RBFOX1: variants seen among roughly 807,000 people sequenced by gnomAD.
The protein encoded by RBFOX1 is RNA binding protein fox-1 homolog 1.
RBFOX1 carries 8 observed loss-of-function variants against 57.7 expected under a neutral mutation model. The ratio of observed to expected loss-of-function variants is 0.14; its 90% CI spans 0.08 to 0.25. RBFOX1 has a LOEUF of 0.25. Among genes scored for constraint, RBFOX1 ranks in the 10% least tolerant of loss-of-function variants. The pLI, the probability that RBFOX1 is intolerant of heterozygous loss-of-function variation, is 1.00. For missense variants in RBFOX1, 611 were observed against 548.5 expected (o/e 1.11, Z -1.14); for synonymous variants, 326 against 222.4 (o/e 1.47, Z -4.15).
intron 3 of RBFOX1, among the ~76,000 whole-genome samples, chr16:5,747,434 G>C (rs1459891844): frequency 6.6e-6 from 1 of 152,144 alleles, no homozygotes; most frequent in Non-Finnish European, 1.5e-5. Context: ...TTTTTCTGTT[G>C]ATTGGACTAG....
At chr16:5,771,723 T>G (rs993626524) in intron 3 of RBFOX1, among the ~76,000 whole-genome samples, 6 of 152,210 alleles carry the variant, frequency 3.9e-5, no homozygotes, top group African/African-American at 1.2e-4. Flanking sequence ...GCATCTCATT[T>G]TGGTATCAGG....
At chr16:6,947,707 G>T (rs2079842069) in intron 3 of RBFOX1, among the ~76,000 whole-genome samples, 1 of 152,184 alleles carries the variant, frequency 6.6e-6, no homozygotes, top group Non-Finnish European at 1.5e-5. Flanking sequence ...TCAGTTTGCT[G>T]AAATCTATTT....
At chr16:7,258,860 T>C (rs894513269) in intron 4 of RBFOX1, among the ~76,000 whole-genome samples, 1 of 152,186 alleles carries the variant, frequency 6.6e-6, no homozygotes, top group African/African-American at 2.4e-5. Context: ...TTTAAAATTA[T>C]TAGGGCTCCT....
chr16:5,790,518 A>C (rs1228439405), intron 3 of RBFOX1, among the ~76,000 whole-genome samples: 1 of 152,076 alleles, frequency 6.6e-6, no homozygotes, highest in Non-Finnish European at 1.5e-5. Context: ...CTGAAAAAAA[A>C]AAAAGGACTC....
intron 3 of RBFOX1, among the ~76,000 whole-genome samples, chr16:5,750,346 C>G (rs1436655555): frequency 6.6e-6 from 1 of 152,230 alleles, no homozygotes; most frequent in African/African-American, 2.4e-5. Context: ...ACTGTCCATT[C>G]TCAGATGTCA....
intron 5 of RBFOX1, among the ~76,000 whole-genome samples, chr16:7,526,555 A>G (rs555584425): frequency 5.3e-5 from 8 of 152,316 alleles, no homozygotes; most frequent in Admixed American, 3.9e-4. Context: ...TTACAGAACA[A>G]CAGAGTTCTT....
intron 3 of RBFOX1, among the ~76,000 whole-genome samples, chr16:6,819,566 G>T (rs928522966): frequency 6.6e-6 from 1 of 151,164 alleles, no homozygotes; most frequent in African/African-American, 2.4e-5. Flanking sequence ...AGCCGGGCCT[G>T]TTGGCGTGTA....
intron 4 of RBFOX1, among the ~76,000 whole-genome samples, chr16:5,868,714 C>A (rs1216006107): frequency 6.6e-6 from 1 of 152,132 alleles, no homozygotes; most frequent in Non-Finnish European, 1.5e-5. Flanking sequence ...GATGAGCAGC[C>A]CCCACTGTCA....
At chr16:7,417,534 G>GTGTGTT (rs144296523) in intron 4 of RBFOX1, among the ~76,000 whole-genome samples, 33,186 of 150,044 alleles carry the variant, frequency 0.22, 3,944 homozygotes, top group East Asian at 0.3. Context: ...GGTATTGTGT[G>GTGTGTT]TGTGTGTGTG....
chr16:5,477,304 T>C lies in RBFOX1; in HGVS notation c.258+10050T>C, dbSNP rs1336664663. ...GCTGGTTTCAGGGGAACTGAAAAGT[T>C]GCACTCAATGCGCTGCTACGTTGGC... On this transcript the variant is annotated intron_variant, in intron 2 of 2. Transcript: ENST00000585867. 2.6e-5 allele frequency among the ~76,000 whole-genome samples: 4 copies of C among 152,346 alleles called. No individual in the cohort carries two copies. In the East Asian group the frequency reaches 7.7e-4, roughly 29 times the overall value.
chr16:6,078,708 A>T (rs2095950545), intron 1 of RBFOX1, among the ~76,000 whole-genome samples: 2 of 152,228 alleles, frequency 1.3e-5, no homozygotes, highest in Non-Finnish European at 2.9e-5. Flanking sequence ...TGCACGTAGC[A>T]AGGGTACCAC....
At chr16:6,828,342 G>A (rs1188047148) in intron 3 of RBFOX1, among the ~76,000 whole-genome samples, 1 of 152,012 alleles carries the variant, frequency 6.6e-6, no homozygotes, top group Non-Finnish European at 1.5e-5. Context: ...TGGCCAACAT[G>A]ATGAAACCCC....
At chr16:6,085,112 C>A (rs2096065178) in intron 1 of RBFOX1, among the ~76,000 whole-genome samples, 1 of 152,142 alleles carries the variant, frequency 6.6e-6, no homozygotes, top group Non-Finnish European at 1.5e-5. Context: ...GGCGGGGAGT[C>A]TTTCCTTCAG....
intron 3 of RBFOX1, among the ~76,000 whole-genome samples, chr16:7,025,225 C>G (rs1163525555): frequency 1.3e-5 from 2 of 152,128 alleles, no homozygotes; most frequent in African/African-American, 4.8e-5. Context: ...TCATGTCTCC[C>G]CTTTTTAGAC....
chr16:7,439,365 T>TAA lies in RBFOX1; in HGVS notation c.28-78768_28-78767dup, dbSNP rs35247636. ...CTAAAGAGTGCTGTGAAAGGCAGATTAAAAAAAAAAAAAAATCCAGCCTCA... is the reference window on the plus strand; with the variant it reads ...CTAAAGAGTGCTGTGAAAGGCAGATTAAAAAAAAAAAAAAAAATCCAGCCTCA... On this transcript the variant is annotated intron_variant, in intron 4 of 15. Transcript: ENST00000550418. Among the ~76,000 whole-genome samples the TAA allele has an allele frequency of 2.8e-3, 401 of 143,686 alleles. 3 individuals carry two copies. Among genetic ancestry groups the TAA allele is most frequent in the African/African-American group, 9.1e-3 (355 of 38,838 alleles). The allele number at this position is 143,686 out of a possible 152,430, so 94.3% of individuals were successfully genotyped here. A position where few individuals can be genotyped will look rare whatever the true frequency, so the allele number is the denominator to read the frequency against.
Position 6,866,337 on chromosome 16 carries a change from ACTT to A in RBFOX1, c.-15-185716_-15-185714del, listed in dbSNP as rs2059904921. ...CTATGATGAAACAAGGAAATAGATC[ACTT>A]CTTACAGTGTAATAATGGAACTCTG... On this transcript the variant is annotated intron_variant, in intron 3 of 15. Transcript: ENST00000550418. 1.3e-5 allele frequency among the ~76,000 whole-genome samples: 2 copies of A among 152,038 alleles called. 1 individual carries two copies. The highest frequency in any genetic ancestry group is 4.2e-4 in the South Asian group (2 of 4,816).
At chr16:7,408,092 G>T (rs180857870) in intron 4 of RBFOX1, among the ~76,000 whole-genome samples, 147 of 152,316 alleles carry the variant, frequency 9.7e-4, no homozygotes, top group African/African-American at 2.1e-3. Context: ...AGGACAGAAA[G>T]GTTGATTAAC....
chr16:7,488,636 C>T (rs557487439), intron 4 of RBFOX1, among the ~76,000 whole-genome samples: 1 of 152,294 alleles, frequency 6.6e-6, no homozygotes, highest in East Asian at 1.9e-4. Flanking sequence ...ATTTACCTAT[C>T]ACTCTATTTG....
rs142629382 is a variant in RBFOX1, at chr16:6,491,843, A to G, written c.-63-162760A>G. ...CGTTTTTTTGGCCCAAAGCTATATC[A>G]ATCATTGTTCTAACATTGGTGAAAA... On this transcript the variant is annotated intron_variant, in intron 2 of 15. Transcript: ENST00000550418. Among the ~76,000 whole-genome samples the G allele has an allele frequency of 3.5e-3, 538 of 152,308 alleles. 2 individuals are homozygous for G. The highest frequency in any genetic ancestry group is 0.031 in the Middle Eastern group (9 of 294).
Sources: gnomAD v4.1 joint callset for allele counts (sites outside exome capture counted in the v4.1 genomes callset) on GRCh38, gnomAD v4.1.1 for gene constraint, MANE v1.5 for transcripts, NCBI Gene and HGNC (gene_info 2026-07-23, HGNC 2026-07-21) for gene names.